DLGAP2: variants seen among roughly 807,000 people sequenced by gnomAD.
DLGAP2 encodes disks large-associated protein 2.
In DLGAP2, 26 loss-of-function variants were observed where a neutral mutation model predicts 100.3. That is an observed-to-expected ratio of 0.26 (90% confidence interval 0.19 to 0.36). The LOEUF (loss-of-function observed/expected upper bound fraction) is 0.36. Among genes scored for constraint, DLGAP2 ranks in the 10% least tolerant of loss-of-function variants. DLGAP2 has a pLI of 1.00. For missense variants in DLGAP2, 1,858 were observed against 1,453.2 expected, an observed-to-expected ratio of 1.28 and a Z score of -4.53; for synonymous variants, 886 against 630.1, an observed-to-expected ratio of 1.41 and a Z score of -6.08.
At chr8:1,476,390 C>T (rs766509974) in intron 3 of DLGAP2, among the ~76,000 whole-genome samples, 15 of 151,652 alleles carry the variant, frequency 9.9e-5, no homozygotes, top group Non-Finnish European at 1.3e-4. Flanking sequence ...ATTCCCATCG[C>T]GCCTGTGACT....
At chr8:1,564,489 G>C (rs1444151169) in intron 5 of DLGAP2, among the ~76,000 whole-genome samples, 2 of 152,196 alleles carry the variant, frequency 1.3e-5, no homozygotes, top group African/African-American at 2.4e-5. Flanking sequence ...CGAACAGTCA[G>C]ATACACAGCA....
intron 2 of DLGAP2, among the ~76,000 whole-genome samples, chr8:1,204,882 C>T (rs577754706): frequency 2.0e-5 from 3 of 152,212 alleles, no homozygotes; most frequent in Non-Finnish European, 4.4e-5. Flanking sequence ...TCTCCAGAGC[C>T]TGGACTTGGT....
chr8:771,809 T>A (rs1457329991), intron 1 of DLGAP2, among the ~76,000 whole-genome samples: 2 of 152,240 alleles, frequency 1.3e-5, no homozygotes, highest in Non-Finnish European at 2.9e-5. Context: ...AAGTGGCACA[T>A]ATAGAATAAA....
chr8:1,644,027 CT>C lies in DLGAP2; in HGVS notation c.1810+10982del, dbSNP rs1797977869. Reference sequence around the variant, plus strand: ...TGTGTCACCCTCGACCCCGCCGGCCCTCACCTGTGTCACCCTCGAACCCGCC... The same window carrying C: ...TGTGTCACCCTCGACCCCGCCGGCCCCACCTGTGTCACCCTCGAACCCGCC... On this transcript the variant is annotated intron_variant, in intron 8 of 14. Coordinates refer to ENST00000637795, the MANE Select transcript of DLGAP2 (RefSeq NM_001346810.2). Among the ~76,000 whole-genome samples, 2 of 86,160 alleles carry C rather than the reference CT, an allele frequency of 2.3e-5. 1 individual carries two copies. The highest frequency in any genetic ancestry group is 4.5e-5 in the Non-Finnish European group (2 of 44,056). 56.5% of individuals were successfully genotyped at this position (86,160 alleles called of 152,430 possible).
chr8:1,262,621 G>A (rs550741967), intron 3 of DLGAP2: 55 of 152,150 alleles, frequency 3.6e-4, no homozygotes, highest in African/African-American at 1.2e-3. Context: ...ATACTAAGAC[G>A]GTCTCAATTT....
At chr8:1,280,895 A>G (rs1315066188) in intron 3 of DLGAP2, among the ~76,000 whole-genome samples, 2 of 152,218 alleles carry the variant, frequency 1.3e-5, no homozygotes, top group African/African-American at 4.8e-5. Context: ...CACCTATTAC[A>G]TGCGTATTCT....
intron 3 of DLGAP2, among the ~76,000 whole-genome samples, chr8:1,333,977 C>A (rs1487423410): frequency 4.6e-5 from 7 of 152,230 alleles, no homozygotes; most frequent in Non-Finnish European, 1.0e-4. Flanking sequence ...GCGAGAGCCA[C>A]GTGCTCCGCA....
At chr8:917,727 T>A (rs903523023) in intron 2 of DLGAP2, among the ~76,000 whole-genome samples, 1 of 152,038 alleles carries the variant, frequency 6.6e-6, no homozygotes, top group Non-Finnish European at 1.5e-5. Flanking sequence ...ATTACAGGGG[T>A]GTGCCACCAC....
intron 3 of DLGAP2, among the ~76,000 whole-genome samples, chr8:1,416,711 A>G (rs1250665273): frequency 6.6e-6 from 1 of 152,182 alleles, no homozygotes; most frequent in African/African-American, 2.4e-5. Flanking sequence ...AAGTAAAACA[A>G]GGAATCAAAA....
chr8:1,676,416 C>T (rs145320852), intron 10 of DLGAP2, 117 bp from the exon 11 acceptor site: 5 of 1,075,454 alleles, frequency 4.6e-6, no homozygotes, highest in Non-Finnish European at 5.5e-6. Flanking sequence ...AAGTGCACCG[C>T]TGCATTAATT....
intron 3 of DLGAP2, among the ~76,000 whole-genome samples, chr8:1,495,742 C>G (rs757012433): frequency 1.3e-5 from 2 of 152,214 alleles, no homozygotes; most frequent in Non-Finnish European, 2.9e-5. Flanking sequence ...GAGTGGTGGC[C>G]GTGCTGGGTC....
At chr8:971,906 A>G (rs1251627492) in intron 2 of DLGAP2, among the ~76,000 whole-genome samples, 2 of 152,210 alleles carry the variant, frequency 1.3e-5, no homozygotes, top group Admixed American at 6.5e-5. Context: ...CCAGGGGTAC[A>G]GGCTTATTAT....
At chr8:930,524 C>G (rs1479861580) in intron 2 of DLGAP2, among the ~76,000 whole-genome samples, 1 of 152,176 alleles carries the variant, frequency 6.6e-6, no homozygotes, top group Non-Finnish European at 1.5e-5. Context: ...AATGCTGAGT[C>G]TTTTACAATA....
intron 1 of DLGAP2, among the ~76,000 whole-genome samples, chr8:794,654 C>G (rs948033316): frequency 3.5e-4 from 52 of 147,836 alleles, no homozygotes; most frequent in Admixed American, 3.5e-3. Context: ...TCCTGTAAAC[C>G]CACAACCTTC....
At chr8:1,486,194 A>G (rs1799231529) in intron 3 of DLGAP2, among the ~76,000 whole-genome samples, 1 of 152,144 alleles carries the variant, frequency 6.6e-6, no homozygotes, top group African/African-American at 2.4e-5. Flanking sequence ...AGATAAGGAA[A>G]CCAAGGCTTT....
chr8:772,322 A>C (rs1388376064), intron 1 of DLGAP2, among the ~76,000 whole-genome samples: 1 of 151,826 alleles, frequency 6.6e-6, no homozygotes, highest in African/African-American at 2.4e-5. Context: ...TCATTATATT[A>C]ATATTAATAA....
intron 3 of DLGAP2, among the ~76,000 whole-genome samples, chr8:1,467,940 C>T (rs1004004795): frequency 6.6e-5 from 10 of 152,240 alleles, no homozygotes; most frequent in African/African-American, 2.4e-4. Flanking sequence ...TAAATACGTT[C>T]TGAGGCTACA....
intron 2 of DLGAP2, among the ~76,000 whole-genome samples, chr8:1,216,322 C>G (rs1356993540): frequency 2.6e-5 from 4 of 152,028 alleles, no homozygotes; most frequent in African/African-American, 7.2e-5. Context: ...GAAGGCATGT[C>G]CGTACTTCAG....
chr8:1,493,744 G>C (rs1799460987), intron 3 of DLGAP2, among the ~76,000 whole-genome samples: 2 of 152,224 alleles, frequency 1.3e-5, no homozygotes, highest in Non-Finnish European at 2.9e-5. Context: ...CATCTCCCTG[G>C]GCAGCGGCTG....
Sources: gnomAD v4.1 joint callset for allele counts (sites outside exome capture counted in the v4.1 genomes callset) on GRCh38, gnomAD v4.1.1 for gene constraint, MANE v1.5 for transcripts, NCBI Gene and HGNC (gene_info 2026-07-23, HGNC 2026-07-21) for gene names.